The following OPA1 variants were observed in gnomAD, a reference collection of about 807,000 sequenced individuals.
OPA1 encodes dynamin-like GTPase OPA1, mitochondrial.
In OPA1, 59 loss-of-function variants were observed where a neutral mutation model predicts 152.9. That is an observed-to-expected ratio of 0.39 (90% confidence interval 0.31 to 0.48). OPA1 has a LOEUF of 0.48. Ranked by LOEUF, OPA1 falls within the 20% of genes least tolerant of loss-of-function variation. The pLI, the probability that OPA1 is intolerant of heterozygous loss-of-function variation, is 0.96. For missense variants in OPA1, 1,008 were observed against 1,216.8 expected, an observed-to-expected ratio of 0.83 and a Z score of 2.55; for synonymous variants, 400 against 389.9, an observed-to-expected ratio of 1.03 and a Z score of -0.31.
In OPA1 at chr3:193,643,398, C is replaced by G. The variant is rs1560373320; in HGVS notation, c.1331C>G (p.Pro444Arg). ...PETISLNVKG[P>R]GLQRMVLVDL... ...ACCATATCCTTAAATGTAAAAGGCCCTGGACTACAGAGGATGGTGCTTGTT... is the reference window on the plus strand; with the variant it reads ...ACCATATCCTTAAATGTAAAAGGCCGTGGACTACAGAGGATGGTGCTTGTT... Residue 444 changes from proline (P) to arginine (R), a missense_variant, in exon 14 of 31, where the codon CCT becomes CGT. Physicochemically the swap from Pro to Arg is moderately radical, Grantham distance 103 (BLOSUM62 -2). Coordinates refer to ENST00000361510, the MANE Select transcript of OPA1 (RefSeq NM_130837.3). 1 of 1,611,070 alleles carries G rather than the reference C, an allele frequency of 6.2e-7. No individual in the cohort carries two copies. Among genetic ancestry groups the G allele is most frequent in the Admixed American group, 1.7e-5 (1 of 60,006 alleles).
At chr3:193,609,770 C>T (rs141852771) in intron 1 of OPA1, among the ~76,000 whole-genome samples, 35 of 152,194 alleles carry the variant, frequency 2.3e-4, no homozygotes, top group East Asian at 1.2e-3. Context: ...CTTCTCTTCC[C>T]GCTTCATTTC....
intron 1 of OPA1, among the ~76,000 whole-genome samples, chr3:193,599,502 C>A (rs1330368991): frequency 1.3e-5 from 2 of 151,750 alleles, no homozygotes; most frequent in Admixed American, 1.3e-4. Context: ...TGAACCACAG[C>A]AAGGTGCAGT....
At chr3:193,649,225 G>A in intron 21 of OPA1, among the ~76,000 whole-genome samples, 1 of 152,044 alleles carries the variant, frequency 6.6e-6, no homozygotes, top group South Asian at 2.1e-4. Flanking sequence ...ATATTTTCAG[G>A]TTCTCCATTC....
intron 6 of OPA1, among the ~76,000 whole-genome samples, chr3:193,622,507 G>A (rs1730320512): frequency 1.3e-5 from 2 of 152,166 alleles, no homozygotes; most frequent in South Asian, 4.2e-4. Context: ...GATTACAGGC[G>A]TGAGCCACCC....
intron 9 of OPA1, among the ~76,000 whole-genome samples, chr3:193,636,760 G>T (rs914829278): frequency 1.4e-4 from 21 of 152,102 alleles, no homozygotes; most frequent in African/African-American, 4.8e-4. Context: ...TCAGATGCTT[G>T]CTTGCACGTG....
In OPA1 at chr3:193,664,939, T is replaced by G. The variant is rs767354521; in HGVS notation, c.2721T>G (p.His907Gln). 3 of 1,609,610 alleles carry G rather than the reference T, an allele frequency of 1.9e-6. No homozygotes were observed. The highest frequency in any genetic ancestry group is 2.6e-6 in the Non-Finnish European group (3 of 1,176,438). ...ATTTTTTAAAAACAGCTCTAAACCA[T>G]TGTAACCTTTGTCGAAGAGGTTTTT... ...RRHFLKTALN[H>Q]CNLCRRGFYY... The change falls in exon 27 of 31, where the codon CAT (histidine) becomes CAG (glutamine). Residue 907 changes from histidine to glutamine, a missense_variant. Coordinates refer to ENST00000361510, the MANE Select transcript of OPA1 (RefSeq NM_130837.3).
rs190235251 is a variant in OPA1, at chr3:193,659,547, C to T, written c.2506C>T (p.Arg836Trp). The change falls in exon 25 of 31, where the codon CGG becomes TGG. Residue 836 changes from arginine to tryptophan, a missense_variant. Physicochemically the swap from Arg to Trp is moderately radical, Grantham distance 101. This residue lies in a region of OPA1 where 229 missense variants were observed against 269.0 expected (regional missense o/e 0.85). Transcript: ENST00000361510. ...AAAGAGGTGGTTATACTGGAAGAAT[C>T]GGACCCAAGAACAGGTAGAAATAAA... is the stretch of plus-strand genomic sequence containing the variant. ...WKKRWLYWKN[R>W]TQEQCVHNET... 2.5e-4 allele frequency: 397 copies of T among 1,610,984 alleles called. No individual in the cohort carries two copies. Among genetic ancestry groups the T allele is most frequent in the Admixed American group, 3.8e-4 (23 of 59,822 alleles).
intron 29 of OPA1, among the ~76,000 whole-genome samples, chr3:193,684,730 C>T (rs938701619): frequency 2.0e-5 from 3 of 151,900 alleles, no homozygotes; most frequent in Non-Finnish European, 4.4e-5. Flanking sequence ...GGATTACAGG[C>T]GTGAGCCACT....
At chr3:193,679,729 A>G (rs192794326) in intron 29 of OPA1, among the ~76,000 whole-genome samples, 7 of 152,292 alleles carry the variant, frequency 4.6e-5, no homozygotes, top group Admixed American at 4.6e-4. Context: ...TTAAGGATCT[A>G]TAACAATGAA....
intron 8 of OPA1, among the ~76,000 whole-genome samples, chr3:193,634,520 C>T (rs1306272451): frequency 1.3e-5 from 2 of 151,840 alleles, no homozygotes; most frequent in African/African-American, 2.4e-5. Flanking sequence ...CGGGTTCAAG[C>T]GATTCTCCTG....
chr3:193,642,329 C>G (rs545575233), intron 11 of OPA1, among the ~76,000 whole-genome samples: 7 of 152,294 alleles, frequency 4.6e-5, no homozygotes, highest in Non-Finnish European at 8.8e-5. Flanking sequence ...ACCTACAACA[C>G]CTGACACATA....
At chr3:193,659,811 T>A (rs1714792273) in intron 25 of OPA1, among the ~76,000 whole-genome samples, 1 of 152,200 alleles carries the variant, frequency 6.6e-6, no homozygotes, top group South Asian at 2.1e-4. Context: ...TTGATTACAT[T>A]GTTCATTTCA....
intron 10 of OPA1, 81 bp downstream of exon 10, chr3:193,637,362 G>A: frequency 1.5e-5 from 12 of 819,374 alleles, no homozygotes; most frequent in Non-Finnish European, 2.4e-5. Context: ...GTGTATATAT[G>A]TACACATACA....
chr3:193,655,348 T>C (rs1713538870), intron 22 of OPA1, among the ~76,000 whole-genome samples: 1 of 152,178 alleles, frequency 6.6e-6, no homozygotes. Flanking sequence ...ATTTTGAACA[T>C]TTTCTGTGGA....
At chr3:193,678,661 G>C (rs1447311537) in intron 29 of OPA1, among the ~76,000 whole-genome samples, 1 of 151,986 alleles carries the variant, frequency 6.6e-6, no homozygotes, top group East Asian at 1.9e-4. Flanking sequence ...TGAAACCTAT[G>C]GTACCCATTA....
intron 29 of OPA1, among the ~76,000 whole-genome samples, chr3:193,670,388 CTT>C (rs35561884): frequency 7.1e-5 from 10 of 140,588 alleles, no homozygotes; most frequent in Non-Finnish European, 6.2e-5. Context: ...TCCCCCCCAC[CTT>C]TTTTTTTTTT....
intron 29 of OPA1, among the ~76,000 whole-genome samples, chr3:193,677,737 C>T (rs907271050): frequency 5.3e-5 from 8 of 152,134 alleles, no homozygotes; most frequent in Admixed American, 2.6e-4. Context: ...CCAGTGAGCA[C>T]GATTCAGAAT....
chr3:193,642,055 G>A (rs886635868), intron 11 of OPA1, among the ~76,000 whole-genome samples: 14 of 152,252 alleles, frequency 9.2e-5, no homozygotes, highest in Admixed American at 5.2e-4. Flanking sequence ...AGTGGAGGTT[G>A]CAGTGAGCCG....
In OPA1 at chr3:193,593,287, G is replaced by C. The variant is rs1724930707; in HGVS notation, c.-91G>C. On this transcript the variant is annotated 5_prime_UTR_variant, in exon 1 of 31. Transcript: ENST00000361510. ...CCCTTGCTGCTGAGGGCCACTTCCT[G>C]GGTCATTCCTGGACCGGGAGCCGGG... is the stretch of plus-strand genomic sequence containing the variant. 1 of 1,376,828 alleles carries C rather than the reference G, an allele frequency of 7.3e-7. No homozygotes were observed. The highest frequency in any genetic ancestry group is 2.6e-5 in the East Asian group (1 of 38,148). The allele number at this position is 1,376,828 out of a possible 1,614,324, so 85.3% of individuals were successfully genotyped here. A position where few individuals can be genotyped will look rare whatever the true frequency, so the allele number is the denominator to read the frequency against.
Sources: allele counts gnomAD v4.1 joint callset (sites outside exome capture counted in the v4.1 genomes callset), GRCh38; gene constraint gnomAD v4.1.1; regional missense constraint gnomAD v4.1.1; transcripts MANE v1.5; gene names NCBI Gene and HGNC (gene_info 2026-07-23, HGNC 2026-07-21).